The following BMAL1 variants were observed in gnomAD, a reference collection of about 807,000 sequenced individuals.
BMAL1 encodes the protein basic helix-loop-helix ARNT like 1, also known as basic helix-loop-helix ARNT-like protein 1.
chr11:13,374,067 C>T, the BMAL1 span: 1 of 1,598,544 alleles, frequency 6.3e-7, no homozygotes, highest in Non-Finnish European at 8.5e-7. Context: ...GCTTTTTCTT[C>T]TTTAAATATT....
At chr11:13,326,021 G>T in the BMAL1 span, among the ~76,000 whole-genome samples, 1 of 151,822 alleles carries the variant, frequency 6.6e-6, no homozygotes, top group African/African-American at 2.4e-5. Flanking sequence ...TGGCCAACAT[G>T]ATGAAACCCT....
chr11:13,321,990 G>C, the BMAL1 span, among the ~76,000 whole-genome samples: 1 of 152,088 alleles, frequency 6.6e-6, no homozygotes, highest in Non-Finnish European at 1.5e-5. Flanking sequence ...GGTGGTCCTA[G>C]GGACCCTGCC....
At chr11:13,308,508 G>GGA in the BMAL1 span, among the ~76,000 whole-genome samples, 2 of 152,156 alleles carry the variant, frequency 1.3e-5, no homozygotes, top group African/African-American at 4.8e-5. Flanking sequence ...TAAGAGGTGG[G>GGA]GAGATGAGGG....
At chr11:13,315,528 G>A in the BMAL1 span, among the ~76,000 whole-genome samples, 1 of 152,222 alleles carries the variant, frequency 6.6e-6, no homozygotes, top group East Asian at 1.9e-4. Flanking sequence ...TGAGGAAACT[G>A]AGGCCTCGAC....
the BMAL1 span, among the ~76,000 whole-genome samples, chr11:13,310,703 G>A: frequency 1.3e-5 from 2 of 152,210 alleles, no homozygotes; most frequent in Non-Finnish European, 2.9e-5. Flanking sequence ...AGCAGGTGGT[G>A]GGCTGGATTT....
the BMAL1 span, among the ~76,000 whole-genome samples, chr11:13,345,684 T>C: frequency 6.6e-6 from 1 of 152,196 alleles, no homozygotes; most frequent in Non-Finnish European, 1.5e-5. Flanking sequence ...GCTAGCTGTG[T>C]CATTTTAAGT....
the BMAL1 span, chr11:13,386,586 C>G: frequency 1.2e-6 from 2 of 1,604,582 alleles, no homozygotes; most frequent in Non-Finnish European, 1.7e-6. Context: ...GTCTTTATCT[C>G]CTCCCACAGG....
At chr11:13,375,010 G>A in the BMAL1 span, among the ~76,000 whole-genome samples, 1 of 152,122 alleles carries the variant, frequency 6.6e-6, no homozygotes, top group Non-Finnish European at 1.5e-5. Context: ...GCACTGCTGG[G>A]TTCTTCCCTC....
the BMAL1 span, among the ~76,000 whole-genome samples, chr11:13,287,158 T>C: frequency 6.6e-6 from 1 of 152,196 alleles, no homozygotes; most frequent in Non-Finnish European, 1.5e-5. Flanking sequence ...AGAGGTTTGA[T>C]ATTTAAGTGA....
At chr11:13,296,670 C>T in the BMAL1 span, among the ~76,000 whole-genome samples, 47 of 152,242 alleles carry the variant, frequency 3.1e-4, no homozygotes, top group African/African-American at 1.1e-3. Context: ...GTGGTAGTGA[C>T]CCTTTGGGAA....
chr11:13,309,291 G>A, the BMAL1 span, among the ~76,000 whole-genome samples: 1 of 152,028 alleles, frequency 6.6e-6, no homozygotes, highest in Non-Finnish European at 1.5e-5. Context: ...TGGATGGTAG[G>A]GTCTATCGGG....
At chr11:13,339,843 G>A in the BMAL1 span, among the ~76,000 whole-genome samples, 5 of 152,044 alleles carry the variant, frequency 3.3e-5, no homozygotes, top group Non-Finnish European at 7.4e-5. Flanking sequence ...TACTTGTTTC[G>A]TTTGCTTGCC....
At chr11:13,334,133 AC>A in the BMAL1 span, among the ~76,000 whole-genome samples, 1 of 152,102 alleles carries the variant, frequency 6.6e-6, no homozygotes, top group Non-Finnish European at 1.5e-5. Flanking sequence ...CAATGAGGCA[AC>A]TAAGGAACGA....
chr11:13,383,608 G>A, the BMAL1 span, among the ~76,000 whole-genome samples: 6 of 152,152 alleles, frequency 3.9e-5, no homozygotes, highest in South Asian at 8.3e-4. Context: ...CAGCACTCTG[G>A]GAAGCTGAGG....
At chr11:13,292,557 AAAT>A in the BMAL1 span, among the ~76,000 whole-genome samples, 3 of 151,990 alleles carry the variant, frequency 2.0e-5, no homozygotes, top group African/African-American at 7.3e-5. Flanking sequence ...AAAAAAAAAA[AAAT>A]AAAATAAAAT....
At chr11:13,313,738 G>A in the BMAL1 span, among the ~76,000 whole-genome samples, 1 of 152,006 alleles carries the variant, frequency 6.6e-6, no homozygotes, top group South Asian at 2.1e-4. Flanking sequence ...TCCTATCAAC[G>A]TGATCTTTCT....
the BMAL1 span, among the ~76,000 whole-genome samples, chr11:13,377,698 T>C: frequency 1.3e-5 from 2 of 152,226 alleles, no homozygotes; most frequent in African/African-American, 4.8e-5. Flanking sequence ...CCCCTCATGA[T>C]CGGATTGGTA....
the BMAL1 span, among the ~76,000 whole-genome samples, chr11:13,299,725 G>A: frequency 6.6e-6 from 1 of 152,182 alleles, no homozygotes; most frequent in Non-Finnish European, 1.5e-5. Context: ...CTTTGGGGTG[G>A]CAGAGTTTCA....
the BMAL1 span, among the ~76,000 whole-genome samples, chr11:13,312,144 T>C: frequency 3.3e-5 from 5 of 152,212 alleles, no homozygotes; most frequent in Non-Finnish European, 7.3e-5. Flanking sequence ...TGAACACTCA[T>C]TATGTACTAA....
Sources: allele counts gnomAD v4.1 joint callset (sites outside exome capture counted in the v4.1 genomes callset), GRCh38; gene constraint gnomAD v4.1.1; transcripts MANE v1.5; gene names NCBI Gene and HGNC (gene_info 2026-07-23, HGNC 2026-07-21).